The following GRIP1 variants were observed in gnomAD, a reference collection of about 807,000 sequenced individuals.
GRIP1 encodes the protein glutamate receptor interacting protein 1.
Under a neutral mutation model 129.9 loss-of-function variants are expected in GRIP1, and 45 were observed. The ratio of observed to expected loss-of-function variants is 0.35; its 90% CI spans 0.27 to 0.44. The LOEUF (loss-of-function observed/expected upper bound fraction) is 0.44, where lower values mean the gene tolerates loss of function less well. Ranked by LOEUF, GRIP1 falls within the 20% of genes least tolerant of loss-of-function variation. GRIP1 has a pLI of 1.00. For missense variants in GRIP1, 1,196 were observed against 1,396.8 expected (o/e 0.86, Z 2.29); for synonymous variants, 530 against 520.8 (o/e 1.02, Z -0.24).
chr12:66,969,412 T>G (rs947782687), intron 1 of GRIP1, among the ~76,000 whole-genome samples: 8 of 152,130 alleles, frequency 5.3e-5, no homozygotes, highest in African/African-American at 1.7e-4. Context: ...CTGTTGTTTG[T>G]TTGGTTGGTT....
At chr12:66,397,997 G>A (rs562223842) in intron 16 of GRIP1, among the ~76,000 whole-genome samples, 2 of 152,230 alleles carry the variant, frequency 1.3e-5, no homozygotes, top group South Asian at 2.1e-4. Flanking sequence ...ATGGCTGCCC[G>A]CACACAGTCT....
intron 2 of GRIP1, among the ~76,000 whole-genome samples, chr12:66,548,943 A>G (rs1348961116): frequency 6.6e-6 from 1 of 152,186 alleles, no homozygotes; most frequent in East Asian, 1.9e-4. Context: ...TAAAAAGAGA[A>G]AGTACAATTT....
At chr12:67,041,651 T>A (rs2043182132) in intron 1 of GRIP1, among the ~76,000 whole-genome samples, 1 of 152,010 alleles carries the variant, frequency 6.6e-6, no homozygotes, top group Admixed American at 6.6e-5. Flanking sequence ...AGCAGACAAG[T>A]ATGTCTTGGT....
intron 1 of GRIP1, among the ~76,000 whole-genome samples, chr12:66,723,206 C>CTTTCT (rs2036115760): frequency 1.4e-4 from 7 of 50,874 alleles, no homozygotes; most frequent in African/African-American, 7.8e-4. Context: ...ATCTTCTTTT[C>CTTTCT]TTTCTTTCTT....
At chr12:67,012,465 C>T (rs1052495892) in intron 1 of GRIP1, among the ~76,000 whole-genome samples, 1 of 152,160 alleles carries the variant, frequency 6.6e-6, no homozygotes, top group African/African-American at 2.4e-5. Context: ...GCCAGAACAT[C>T]TCCAAGATGC....
At chr12:66,447,295 A>G (rs12582797) in intron 11 of GRIP1, among the ~76,000 whole-genome samples, 4 of 152,100 alleles carry the variant, frequency 2.6e-5, no homozygotes, top group African/African-American at 4.8e-5. Context: ...TTTATCCTCT[A>G]TGGTAATGCC....
At chr12:66,387,032 TA>T (rs2056387397) in intron 19 of GRIP1, among the ~76,000 whole-genome samples, 1 of 152,040 alleles carries the variant, frequency 6.6e-6, no homozygotes, top group African/African-American at 2.4e-5. Flanking sequence ...AGAAAATACA[TA>T]ATACATAAAT....
At chr12:66,432,397 G>A in intron 14 of GRIP1, 151 bp downstream of exon 14, 1 of 605,866 alleles carries the variant, frequency 1.7e-6, no homozygotes, top group Non-Finnish European at 2.9e-6. Flanking sequence ...CAGCCAGTAA[G>A]TGCTGGAGGT....
chr12:66,816,123 A>G (rs2039214484), intron 1 of GRIP1, among the ~76,000 whole-genome samples: 1 of 152,132 alleles, frequency 6.6e-6, no homozygotes, highest in Non-Finnish European at 1.5e-5. Context: ...TTCTGTGTAG[A>G]TGTCATTGTC....
rs190394215 is a variant in GRIP1, at chr12:67,011,214, G to A, written c.58+57836C>T. ...CCTCCGGAGTTCCCATCTCATAAACGACATCTCCATTCACCCCACTGCTTA... is the reference window on the plus strand; with the variant it reads ...CCTCCGGAGTTCCCATCTCATAAACAACATCTCCATTCACCCCACTGCTTA... On this transcript the variant is annotated intron_variant, in intron 1 of 1. Transcript: ENST00000643019. Among the ~76,000 whole-genome samples, 7 of 151,906 alleles carry A rather than the reference G, an allele frequency of 4.6e-5. No homozygotes were observed. The East Asian group carries it at 5.8e-4, about 13-fold the overall frequency.
intron 1 of GRIP1, among the ~76,000 whole-genome samples, chr12:66,915,568 G>A (rs574821380): frequency 5.9e-5 from 9 of 152,210 alleles, no homozygotes; most frequent in Admixed American, 1.3e-4. Context: ...TGACGGAATC[G>A]ACACTGCTGT....
chr12:66,454,611 C>T (rs183312685), intron 11 of GRIP1, among the ~76,000 whole-genome samples: 1 of 152,092 alleles, frequency 6.6e-6, no homozygotes, highest in African/African-American at 2.4e-5. Flanking sequence ...CTTTTTTACC[C>T]CTCTATTCAG....
intron 23 of GRIP1, among the ~76,000 whole-genome samples, chr12:66,364,127 A>G (rs906201593): frequency 1.3e-5 from 2 of 151,810 alleles, no homozygotes; most frequent in Admixed American, 6.6e-5. Context: ...TTAGCCAGGC[A>G]TGGTGGCATG....
chr12:66,668,081 T>C (rs997421595), intron 1 of GRIP1, among the ~76,000 whole-genome samples: 1 of 152,226 alleles, frequency 6.6e-6, no homozygotes, highest in Admixed American at 6.5e-5. Context: ...TGCTGATATT[T>C]GGGATGTAGC....
chr12:66,538,892 C>T (rs2019269), intron 4 of GRIP1, among the ~76,000 whole-genome samples, 186 bp downstream of exon 4: 59,341 of 151,950 alleles, frequency 0.39, 11,749 homozygotes, highest in South Asian at 0.5. Flanking sequence ...CGTGAGCCAC[C>T]GCGCCCAGCC....
intron 1 of GRIP1, among the ~76,000 whole-genome samples, chr12:66,836,712 C>T (rs181574131): frequency 5.9e-5 from 9 of 152,294 alleles, no homozygotes; most frequent in Non-Finnish European, 1.3e-4. Context: ...GGATTAATGG[C>T]CAGCAGCAGT....
intron 2 of GRIP1, among the ~76,000 whole-genome samples, chr12:66,554,365 C>T (rs537755919): frequency 6.6e-6 from 1 of 152,294 alleles, no homozygotes; most frequent in Admixed American, 6.5e-5. Context: ...CTTAAGAGCT[C>T]TTGGCCCTGA....
chr12:66,567,771 A>G (rs2062819342), intron 2 of GRIP1: 1 of 216,380 alleles, frequency 4.6e-6, no homozygotes, highest in Non-Finnish European at 9.9e-6. Context: ...CACAGTGGTA[A>G]TTCTGTGCTT....
chr12:66,844,970 T>C (rs1178355817), intron 1 of GRIP1, among the ~76,000 whole-genome samples: 3 of 152,136 alleles, frequency 2.0e-5, no homozygotes, highest in Non-Finnish European at 4.4e-5. Flanking sequence ...GTGATGGGAA[T>C]GATGAGTTAG....
Sources: allele counts gnomAD v4.1 joint callset (sites outside exome capture counted in the v4.1 genomes callset), GRCh38; gene constraint gnomAD v4.1.1; transcripts MANE v1.5; gene names NCBI Gene and HGNC (gene_info 2026-07-23, HGNC 2026-07-21).